The following SLC9C1 variants were observed in gnomAD, a reference collection of about 807,000 sequenced individuals.
SLC9C1 encodes the protein sodium/hydrogen exchanger 10.
A neutral mutation model predicts 140.9 loss-of-function variants in SLC9C1; 97 were observed. That is an observed-to-expected ratio of 0.69 (90% confidence interval 0.58 to 0.82). SLC9C1 has a LOEUF of 0.82. Among genes scored for constraint, SLC9C1 ranks in the 40% least tolerant of loss-of-function variants. The probability of loss-of-function intolerance (pLI) is 0.00; values close to 1 mark genes in which losing one functional copy is unlikely to be tolerated. For synonymous variants in SLC9C1, 440 were observed against 442.6 expected (o/e 0.99, Z 0.07); for missense variants, 1,340 against 1,389.3 (o/e 0.96, Z 0.56).
intron 26 of SLC9C1, among the ~76,000 whole-genome samples, chr3:112,161,410 C>G (rs1164791362): frequency 1.3e-5 from 2 of 152,138 alleles, no homozygotes; most frequent in Admixed American, 1.3e-4. Flanking sequence ...TTAGGTCTAA[C>G]GTTTAAGTCT....
At chr3:112,164,780 T>A (rs1049722938) in intron 26 of SLC9C1, among the ~76,000 whole-genome samples, 1 of 152,006 alleles carries the variant, frequency 6.6e-6, no homozygotes, top group Non-Finnish European at 1.5e-5. Flanking sequence ...GGAGTATCTT[T>A]GTGGCATTCT....
At chr3:112,203,024 A>G (rs1302308221) in intron 17 of SLC9C1, among the ~76,000 whole-genome samples, 5 of 152,052 alleles carry the variant, frequency 3.3e-5, no homozygotes, top group Non-Finnish European at 1.5e-5. Context: ...GTTTACACTC[A>G]TCTTTCAAGA....
At chr3:112,181,566 A>G (rs768836009) in intron 21 of SLC9C1, among the ~76,000 whole-genome samples, 2 of 152,226 alleles carry the variant, frequency 1.3e-5, no homozygotes, top group African/African-American at 2.4e-5. Context: ...GGTAGATGAG[A>G]TAAAAAATAT....
At chr3:112,241,549 T>C (rs1018054513) in intron 11 of SLC9C1, among the ~76,000 whole-genome samples, 1 of 152,182 alleles carries the variant, frequency 6.6e-6, no homozygotes, top group African/African-American at 2.4e-5. Context: ...TTCAACACAA[T>C]TTCTATTGAA....
At chr3:112,277,892 G>T in intron 4 of SLC9C1, 32 bp from the exon 5 acceptor site, 3 of 1,544,560 alleles carry the variant, frequency 1.9e-6, no homozygotes, top group South Asian at 1.2e-5. Flanking sequence ...AGAAAAATCA[G>T]ACTGCTTTTG....
chr3:112,147,846 T>C (rs113523296), intron 28 of SLC9C1, among the ~76,000 whole-genome samples: 15 of 152,326 alleles, frequency 9.8e-5, no homozygotes, highest in African/African-American at 3.6e-4. Flanking sequence ...TTGAATTATT[T>C]CCTGAAATAT....
chr3:112,253,383 AC>A (rs1388506110), intron 10 of SLC9C1, among the ~76,000 whole-genome samples: 1 of 152,166 alleles, frequency 6.6e-6, no homozygotes, highest in Non-Finnish European at 1.5e-5. Flanking sequence ...CAGGGCATTG[AC>A]AGAGAGCATG....
chr3:112,204,545 A>G, intron 16 of SLC9C1, 142 bp from the exon 17 acceptor site: 1 of 769,756 alleles, frequency 1.3e-6, no homozygotes, highest in South Asian at 2.1e-5. Context: ...CCAAAATCAA[A>G]CAAACAAGTT....
intron 20 of SLC9C1, among the ~76,000 whole-genome samples, chr3:112,198,595 T>C (rs117029831): frequency 0.017 from 2,572 of 152,150 alleles, 94 homozygotes; most frequent in South Asian, 0.11. Context: ...GTTCCTTCTA[T>C]TATTAGTCTT....
At chr3:112,220,456 A>T (rs2078509511) in intron 14 of SLC9C1, among the ~76,000 whole-genome samples, 1 of 152,204 alleles carries the variant, frequency 6.6e-6, no homozygotes, top group African/African-American at 2.4e-5. Context: ...GACTCTGGAA[A>T]TAAGCTTAGG....
At chr3:112,282,893 GTTAAC>G (rs1459751313) in intron 2 of SLC9C1, among the ~76,000 whole-genome samples, 1 of 152,138 alleles carries the variant, frequency 6.6e-6, no homozygotes, top group Non-Finnish European at 1.5e-5. Flanking sequence ...GACTATTCAT[GTTAAC>G]TTAAATTAAT....
intron 10 of SLC9C1, among the ~76,000 whole-genome samples, chr3:112,247,954 C>T (rs1181405546): frequency 6.6e-6 from 1 of 151,542 alleles, no homozygotes; most frequent in Non-Finnish European, 1.5e-5. Flanking sequence ...TAAATATGGA[C>T]TAGACGTATT....
intron 10 of SLC9C1, among the ~76,000 whole-genome samples, chr3:112,262,649 A>G (rs748799968): frequency 3.3e-5 from 5 of 152,006 alleles, no homozygotes; most frequent in Non-Finnish European, 7.4e-5. Context: ...CTTGAGTGCA[A>G]TAAATAATTA....
At chr3:112,256,354 C>T (rs2079605706) in intron 10 of SLC9C1, among the ~76,000 whole-genome samples, 1 of 152,134 alleles carries the variant, frequency 6.6e-6, no homozygotes, top group Non-Finnish European at 1.5e-5. Context: ...CAAAATCCAG[C>T]AGCACATGGA....
chr3:112,283,057 C>T (rs1052452579), intron 2 of SLC9C1, among the ~76,000 whole-genome samples: 7 of 152,064 alleles, frequency 4.6e-5, no homozygotes, highest in East Asian at 3.9e-4. Flanking sequence ...ACTGTTTTAC[C>T]GAGGAGTAAA....
chr3:112,217,101 A>C (rs536379838), intron 15 of SLC9C1, among the ~76,000 whole-genome samples: 100 of 152,304 alleles, frequency 6.6e-4, no homozygotes, highest in Middle Eastern at 3.4e-3. Context: ...AAACTATTGC[A>C]AGGACGAAAA....
At chr3:112,263,924 A>T (rs1040147498) in intron 9 of SLC9C1, among the ~76,000 whole-genome samples, 2 of 151,876 alleles carry the variant, frequency 1.3e-5, no homozygotes, top group Non-Finnish European at 2.9e-5. Context: ...TATTTATAAT[A>T]GGTACTTAAC....
At chr3:112,231,530 A>G in intron 12 of SLC9C1, 44 bp from the exon 13 acceptor site, 1 of 1,539,452 alleles carries the variant, frequency 6.5e-7, no homozygotes, top group Non-Finnish European at 8.8e-7. Context: ...CATGAATATT[A>G]ACATATTGTT....
At position 112,208,323 on chromosome 3, in the gene SLC9C1, T is replaced by C; in HGVS notation, c.1841A>G (p.Glu614Gly). ...TAATATCACAAGGTATCCAACATGT[T>C]CAAATTCCTCAGTAAATACTATTGT... The part of the protein sequence containing the change: ...CHTIVFTEEF[E>G]HVGYLVILMN... Residue 614 changes from glutamate to glycine, a missense_variant, in exon 16 of 29, where the codon GAA becomes GGA. Coordinates refer to ENST00000305815, the MANE Select transcript of SLC9C1 (RefSeq NM_183061.3). 1.2e-6 allele frequency: 2 copies of C among 1,605,230 alleles called. No homozygotes were observed. The highest frequency in any genetic ancestry group is 1.7e-6 in the Non-Finnish European group (2 of 1,175,326).
Sources: allele counts gnomAD v4.1 joint callset (sites outside exome capture counted in the v4.1 genomes callset), GRCh38; gene constraint gnomAD v4.1.1; transcripts MANE v1.5; gene names NCBI Gene and HGNC (gene_info 2026-07-23, HGNC 2026-07-21).